The following GALNTL6 variants were observed in gnomAD, a reference collection of about 807,000 sequenced individuals.
The protein encoded by GALNTL6 is polypeptide N-acetylgalactosaminyltransferase-like 6.
A neutral mutation model predicts 73.7 loss-of-function variants in GALNTL6; 46 were observed. The observed-to-expected ratio is 0.62, with a 90% confidence interval of 0.49 to 0.80. GALNTL6 has a LOEUF of 0.80. Among genes scored for constraint, GALNTL6 ranks in the 30% least tolerant of loss-of-function variants. The pLI, the probability that GALNTL6 is intolerant of heterozygous loss-of-function variation, is 0.00. For synonymous variants in GALNTL6, 259 were observed against 263.7 expected (o/e 0.98, Z 0.17); for missense variants, 604 against 755.0 (o/e 0.80, Z 2.34).
At chr4:172,057,280 G>C (rs1731043318) in intron 2 of GALNTL6, among the ~76,000 whole-genome samples, 1 of 151,886 alleles carries the variant, frequency 6.6e-6, no homozygotes, top group Non-Finnish European at 1.5e-5. Flanking sequence ...CAGTTGTAGT[G>C]GTGCATGCAT....
intron 5 of GALNTL6, among the ~76,000 whole-genome samples, chr4:172,738,698 G>A (rs112487720): frequency 7.8e-4 from 119 of 152,248 alleles, no homozygotes; most frequent in African/African-American, 2.7e-3. Flanking sequence ...AGGAGATCCT[G>A]AGAACACGTG....
chr4:172,006,825 A>G (rs1276402489), intron 2 of GALNTL6, among the ~76,000 whole-genome samples: 3 of 152,020 alleles, frequency 2.0e-5, no homozygotes, highest in Admixed American at 2.0e-4. Flanking sequence ...GAGGTTCTTT[A>G]ATTACAGAAG....
At chr4:172,943,143 AG>A (rs1454759473) in intron 9 of GALNTL6, among the ~76,000 whole-genome samples, 4 of 150,554 alleles carry the variant, frequency 2.7e-5, no homozygotes, top group African/African-American at 9.8e-5. Flanking sequence ...CAGGCATTAC[AG>A]CTTTCTCCTT....
chr4:172,616,531 T>TA lies in GALNTL6; in HGVS notation c.554-192830_554-192829insA, dbSNP rs1560837682. On this transcript the variant is annotated intron_variant, in intron 5 of 12. Transcript: ENST00000506823. ...AGCAAAGTTGGCAGAAAATCCATAC[T>TA]CTTTTTTTTTTTTTTTTTGCAAAGT... Among the ~76,000 whole-genome samples the TA allele has an allele frequency of 4.0e-5, 5 of 123,700 alleles. No individual in the cohort carries two copies. The East Asian group carries it at 6.0e-4, about 15-fold the overall frequency. The allele number at this position is 123,700 out of a possible 152,430, so 81.2% of individuals were successfully genotyped here.
At chr4:172,853,160 C>T (rs990756300) in intron 7 of GALNTL6, among the ~76,000 whole-genome samples, 2 of 152,160 alleles carry the variant, frequency 1.3e-5, no homozygotes, top group African/African-American at 4.8e-5. Flanking sequence ...AGGTTGTAGT[C>T]CCATCTGAAG....
intron 5 of GALNTL6, among the ~76,000 whole-genome samples, chr4:172,404,960 A>G (rs1325420510): frequency 2.0e-5 from 3 of 152,066 alleles, no homozygotes; most frequent in Non-Finnish European, 4.4e-5. Context: ...AGCAAAAGCA[A>G]CTGTGGGAAA....
intron 2 of GALNTL6, among the ~76,000 whole-genome samples, chr4:172,118,394 T>C (rs532809369): frequency 2.6e-5 from 4 of 152,074 alleles, no homozygotes; most frequent in African/African-American, 9.6e-5. Context: ...TAAACTAAGA[T>C]AAAACTAGCT....
In GALNTL6 at chr4:171,893,265, T is replaced by C. The variant is rs557843326; in HGVS notation, c.138+78547T>C. The stretch of plus-strand genomic sequence containing the variant: ...GAAGGGATATGAACTCCTTCTGACT[T>C]ATAACATACTAGCTCATATGCAACC... On this transcript the variant is annotated intron_variant, in intron 2 of 12. Coordinates refer to ENST00000506823, the MANE Select transcript of GALNTL6 (RefSeq NM_001034845.3). Among the ~76,000 whole-genome samples, 9 of 152,314 alleles carry C rather than the reference T, an allele frequency of 5.9e-5. No individual in the cohort carries two copies. The East Asian group carries it at 1.5e-3, about 26-fold the overall frequency.
intron 2 of GALNTL6, among the ~76,000 whole-genome samples, chr4:171,864,952 G>A (rs1333062736): frequency 2.0e-5 from 3 of 152,100 alleles, no homozygotes; most frequent in East Asian, 1.9e-4. Flanking sequence ...GATTTGACCC[G>A]CCTGACCAGC....
chr4:172,344,238 T>C (rs971868929), intron 4 of GALNTL6, among the ~76,000 whole-genome samples: 2 of 152,186 alleles, frequency 1.3e-5, no homozygotes, highest in African/African-American at 4.8e-5. Flanking sequence ...ACATTAAACC[T>C]AAAATATGCA....
chr4:172,295,370 C>T (rs1739629920), intron 3 of GALNTL6, among the ~76,000 whole-genome samples: 1 of 150,018 alleles, frequency 6.7e-6, no homozygotes, highest in Non-Finnish European at 1.5e-5. Context: ...TGCAGTGAGC[C>T]AAGATCGCAC....
chr4:172,169,758 A>T (rs550084532), intron 2 of GALNTL6, among the ~76,000 whole-genome samples: 1 of 152,316 alleles, frequency 6.6e-6, no homozygotes, highest in African/African-American at 2.4e-5. Flanking sequence ...AATGTCCATT[A>T]ATTTAGGAGA....
At chr4:172,138,607 G>GCCAGCT (rs1733719125) in intron 2 of GALNTL6, among the ~76,000 whole-genome samples, 1 of 129,588 alleles carries the variant, frequency 7.7e-6, no homozygotes, top group South Asian at 2.8e-4. Flanking sequence ...TCGGCTCACT[G>GCCAGCT]CCAGCTCCAC....
chr4:171,882,398 G>A lies in GALNTL6; in HGVS notation c.138+67680G>A, dbSNP rs77828533. 7.6e-3 allele frequency among the ~76,000 whole-genome samples: 1,155 copies of A among 152,284 alleles called. 5 individuals are homozygous for A. Among genetic ancestry groups the A allele is most frequent in the Non-Finnish European group, 0.013 (891 of 68,030 alleles). On this transcript the variant is annotated intron_variant, in intron 2 of 12. Coordinates refer to ENST00000506823, the MANE Select transcript of GALNTL6 (RefSeq NM_001034845.3). ...GAGGAACAGAACAAATGAGATACAG[G>A]TTTATATGAAGGGTAGTTTATAAGC...
intron 10 of GALNTL6, among the ~76,000 whole-genome samples, chr4:172,955,345 G>T (rs1257457593): frequency 6.6e-6 from 1 of 152,046 alleles, no homozygotes; most frequent in Non-Finnish European, 1.5e-5. Context: ...GGGCATGGTG[G>T]CATGTGCCTG....
intron 2 of GALNTL6, among the ~76,000 whole-genome samples, chr4:171,881,987 A>T (rs1385788): frequency 0.55 from 84,360 of 152,106 alleles, 26,165 homozygotes; most frequent in African/African-American, 0.86. Flanking sequence ...CCTAACAATA[A>T]CTGACAATAT....
intron 10 of GALNTL6, among the ~76,000 whole-genome samples, chr4:172,957,074 G>C (rs532708420): frequency 1.3e-4 from 20 of 152,310 alleles, no homozygotes; most frequent in Non-Finnish European, 2.2e-4. Flanking sequence ...CCTAGACCAA[G>C]AGGTATTTTA....
At position 172,057,720 on chromosome 4, in the gene GALNTL6, AAAAAAAAATATAT is replaced by A. The variant is rs1386375946; in HGVS notation, c.139-171934_139-171922del. On this transcript the variant is annotated intron_variant, in intron 2 of 12. Transcript: ENST00000506823. ...CTGTCTCAAAAAAAAAAAAAAAAAA[AAAAAAAAATATAT>A]ATATATATATATATATATATATATA... 4.3e-4 allele frequency among the ~76,000 whole-genome samples: 33 copies of A among 77,406 alleles called. No homozygotes were observed. The South Asian group carries it at 6.9e-3, about 16-fold the overall frequency. 50.8% of individuals were successfully genotyped at this position (77,406 alleles called of 152,430 possible). A position where few individuals can be genotyped will look rare whatever the true frequency, so the allele number is the denominator to read the frequency against.
intron 5 of GALNTL6, among the ~76,000 whole-genome samples, chr4:172,807,853 C>T (rs1268815311): frequency 2.0e-5 from 3 of 152,172 alleles, no homozygotes; most frequent in African/African-American, 4.8e-5. Context: ...GACACAGTCT[C>T]ACTCTATTGC....
Sources: gnomAD v4.1 joint callset for allele counts (sites outside exome capture counted in the v4.1 genomes callset) on GRCh38, gnomAD v4.1.1 for gene constraint, MANE v1.5 for transcripts, NCBI Gene and HGNC (gene_info 2026-07-23, HGNC 2026-07-21) for gene names.